The following PGM2 variants were observed in gnomAD, a reference collection of about 807,000 sequenced individuals.
PGM2 encodes the protein phosphoglucomutase 2.
In PGM2, 57 loss-of-function variants were observed where a neutral mutation model predicts 74.6. The observed-to-expected ratio is 0.76, with a 90% CI of 0.62 to 0.95. The LOEUF is 0.95. Ranked by LOEUF, PGM2 falls within the 40% of genes least tolerant of loss-of-function variation. The pLI, the probability that PGM2 is intolerant of heterozygous loss-of-function variation, is 0.00. For synonymous variants in PGM2, 273 were observed against 260.7 expected (o/e 1.05, Z -0.46); for missense variants, 706 against 741.9 (o/e 0.95, Z 0.56).
chr4:37,847,731 TACTC>T (rs143787552), intron 10 of PGM2, among the ~76,000 whole-genome samples: 1,743 of 152,292 alleles, frequency 0.011, 41 homozygotes, highest in African/African-American at 0.039. Context: ...ATCAGAATGA[TACTC>T]ACCCAAAAGG....
At chr4:37,835,780 C>T (rs1725553585) in intron 3 of PGM2, among the ~76,000 whole-genome samples, 1 of 152,196 alleles carries the variant, frequency 6.6e-6, no homozygotes. Context: ...CACCCGGTGG[C>T]ATCAGCCCCA....
At chr4:37,839,430 C>T (rs945754577) in intron 4 of PGM2, 1 of 391,566 alleles carries the variant, frequency 2.6e-6, no homozygotes, top group African/African-American at 2.1e-5. Flanking sequence ...GTGTTTTCCT[C>T]AATGTTTTCC....
chr4:37,851,672 G>A (rs1475487685), intron 12 of PGM2, among the ~76,000 whole-genome samples: 1 of 152,152 alleles, frequency 6.6e-6, no homozygotes, highest in East Asian at 1.9e-4. Flanking sequence ...ATGTCACCAA[G>A]ACTAGATTTG....
intron 13 of PGM2, among the ~76,000 whole-genome samples, chr4:37,859,357 A>G (rs1711683534): frequency 6.6e-6 from 1 of 152,136 alleles, no homozygotes; most frequent in African/African-American, 2.4e-5. Flanking sequence ...CTATTAAGAG[A>G]TTGTTTGCAA....
At chr4:37,850,046 A>G in intron 11 of PGM2, 138 bp from the exon 12 acceptor site, 1 of 537,750 alleles carries the variant, frequency 1.9e-6, no homozygotes, top group Non-Finnish European at 3.2e-6. Context: ...CCTCGGCCTC[A>G]CAAAGTGCTG....
chr4:37,838,400 A>C (rs545820501), intron 4 of PGM2, among the ~76,000 whole-genome samples: 1 of 152,332 alleles, frequency 6.6e-6, no homozygotes, highest in African/African-American at 2.4e-5. Context: ...CTTTCATCAA[A>C]TCCTTCATGT....
chr4:37,861,606 A>G lies in PGM2; in HGVS notation c.1833A>G (p.Ala611=). 1.2e-6 allele frequency: 2 copies of G among 1,602,008 alleles called. No homozygotes were observed. Among genetic ancestry groups the G allele is most frequent in the Non-Finnish European group, 1.7e-6 (2 of 1,169,082 alleles). ...AGAAGTACAATCTGCAGCCAAAAGCAGACTAAAATAGTCCAGCCTTGGGTA... is the reference window on the plus strand; with the variant it reads ...AGAAGTACAATCTGCAGCCAAAAGCGGACTAAAATAGTCCAGCCTTGGGTA... ...QPQKYNLQPK[A]D Residue 611 remains alanine, a synonymous_variant, in exon 14 of 14, where the codon GCA becomes GCG. Coordinates refer to ENST00000381967, the MANE Select transcript of PGM2 (RefSeq NM_018290.4).
chr4:37,856,497 C>G (rs2152181954), intron 13 of PGM2, among the ~76,000 whole-genome samples: 1 of 152,236 alleles, frequency 6.6e-6, no homozygotes, highest in East Asian at 1.9e-4. Context: ...GCACAGAGAG[C>G]CTCATCAGAG....
chr4:37,841,190 T>TGTGTGTGTGTGCGTGCGTG (rs1491511171), intron 6 of PGM2, among the ~76,000 whole-genome samples: 68 of 83,458 alleles, frequency 8.1e-4, no homozygotes, highest in Middle Eastern at 5.7e-3. Context: ...GTGTGTGTGG[T>TGTGTGTGTGTGCGTGCGTG]TTGTTCTGTG....
At position 37,826,750 on chromosome 4, in the gene PGM2, C is replaced by T. The variant is rs200647417; in HGVS notation, c.18C>T (p.Gly6=). The change falls in exon 1 of 14, where the codon GGC becomes GGT. Residue 6 remains glycine, a synonymous_variant. Transcript: ENST00000381967. MAAPE[G]SGLGEDARLD... ...GCTCAGCGATGGCGGCTCCAGAAGG[C>T]AGCGGTCTAGGCGAGGACGCCCGGC... is the stretch of plus-strand genomic sequence containing the variant. 1.3e-6 allele frequency: 2 copies of T among 1,549,912 alleles called. No individual in the cohort carries two copies. Among genetic ancestry groups the T allele is most frequent in the South Asian group, 1.2e-5 (1 of 84,052 alleles).
Position 37,856,108 on chromosome 4 carries a change from G to A in PGM2, c.1736+367G>A, listed in dbSNP as rs112913352. 5.3e-3 allele frequency among the ~76,000 whole-genome samples: 810 copies of A among 152,054 alleles called. 7 individuals carry two copies. Among genetic ancestry groups the A allele is most frequent in the African/African-American group, 0.018 (748 of 41,488 alleles). On this transcript the variant is annotated intron_variant, in intron 13 of 13. Coordinates refer to ENST00000381967, the MANE Select transcript of PGM2 (RefSeq NM_018290.4). ...GATAAAATAAATTATAATCCGGGCC[G>A]GGTGCGGTGGCTTACACCTGTAATC... is the stretch of plus-strand genomic sequence containing the variant.
intron 13 of PGM2, among the ~76,000 whole-genome samples, chr4:37,858,821 G>T (rs1711659347): frequency 6.6e-6 from 1 of 152,088 alleles, no homozygotes; most frequent in Admixed American, 6.6e-5. Context: ...TTTGTCAGGG[G>T]AGATGTCCTT....
intron 13 of PGM2, 118 bp from the exon 14 acceptor site, chr4:37,861,390 TCC>T: frequency 1.6e-6 from 1 of 634,698 alleles, no homozygotes; most frequent in Non-Finnish European, 2.8e-6. Flanking sequence ...CTCTTTTTTT[TCC>T]TATTTAGTCC....
intron 6 of PGM2, among the ~76,000 whole-genome samples, chr4:37,842,409 A>G (rs1050621895): frequency 6.6e-6 from 1 of 151,818 alleles, no homozygotes; most frequent in East Asian, 1.9e-4. Context: ...CTCTAGAACT[A>G]TCATGTTTGT....
Position 37,848,647 on chromosome 4 carries a change from G to T in PGM2, c.1408G>T (p.Val470Leu). 6.2e-7 allele frequency: 1 copy of T among 1,612,408 alleles called. No homozygotes were observed. The highest frequency in any genetic ancestry group is 8.5e-7 in the Non-Finnish European group (1 of 1,178,664). Residue 470 changes from valine to leucine, a missense_variant, in exon 11 of 14, where the codon GTG becomes TTG. Coordinates refer to ENST00000381967, the MANE Select transcript of PGM2 (RefSeq NM_018290.4). ...GTCTCAGCAACTAAAGGCCATTTATGTGGAGTAAGTTGTTATTGACTCTGT... is the reference window on the plus strand; with the variant it reads ...GTCTCAGCAACTAAAGGCCATTTATTTGGAGTAAGTTGTTATTGACTCTGT... ...SLSQQLKAIY[V>L]EYGYHITKAS...
At chr4:37,856,745 G>A (rs1393733682) in intron 13 of PGM2, among the ~76,000 whole-genome samples, 3 of 152,152 alleles carry the variant, frequency 2.0e-5, no homozygotes, top group Non-Finnish European at 4.4e-5. Flanking sequence ...TGTGAAAGGT[G>A]AATTAAGTCA....
chr4:37,828,303 CTG>C (rs1481270389), intron 1 of PGM2, among the ~76,000 whole-genome samples: 1 of 151,712 alleles, frequency 6.6e-6, no homozygotes, highest in Non-Finnish European at 1.5e-5. Flanking sequence ...AGTGTTGCAT[CTG>C]TGTATAGAAA....
At chr4:37,835,198 T>C (rs1725537652) in intron 3 of PGM2, among the ~76,000 whole-genome samples, 1 of 152,238 alleles carries the variant, frequency 6.6e-6, no homozygotes, top group Non-Finnish European at 1.5e-5. Flanking sequence ...CAGACACTTA[T>C]GTATTTACTC....
chr4:37,827,526 G>C (rs1725324897), intron 1 of PGM2, among the ~76,000 whole-genome samples: 1 of 151,896 alleles, frequency 6.6e-6, no homozygotes, highest in Admixed American at 6.6e-5. Flanking sequence ...GTCCCTCGCT[G>C]CTCTCCTGCT....
Sources: allele counts gnomAD v4.1 joint callset (sites outside exome capture counted in the v4.1 genomes callset), GRCh38; gene constraint gnomAD v4.1.1; transcripts MANE v1.5; gene names NCBI Gene and HGNC (gene_info 2026-07-23, HGNC 2026-07-21).